Variants in STRIP2 observed in about 807,000 individuals in gnomAD.
STRIP2 encodes the protein striatin interacting protein 2.
STRIP2 carries 84 observed loss-of-function variants against 107.1 expected under a neutral mutation model. The observed-to-expected ratio is 0.78, with a 90% CI of 0.66 to 0.94. STRIP2 has a LOEUF of 0.94. Among genes scored for constraint, STRIP2 ranks in the 40% least tolerant of loss-of-function variants. STRIP2 has a pLI of 0.00. For synonymous variants in STRIP2, 394 were observed against 400.4 expected, an observed-to-expected ratio of 0.98 and a Z score of 0.19; for missense variants, 888 against 1,034.2, an observed-to-expected ratio of 0.86 and a Z score of 1.94.
At chr7:129,465,396 G>C (rs1358504416) in intron 16 of STRIP2, among the ~76,000 whole-genome samples, 1 of 152,138 alleles carries the variant, frequency 6.6e-6, no homozygotes, top group South Asian at 2.1e-4. Flanking sequence ...AGTCCAGAGG[G>C]GGAAGAGAGA....
At chr7:129,465,541 C>T (rs1464051533) in intron 16 of STRIP2, among the ~76,000 whole-genome samples, 2 of 152,298 alleles carry the variant, frequency 1.3e-5, no homozygotes, top group South Asian at 2.1e-4. Flanking sequence ...TATGCTAACA[C>T]ACAATTACTG....
chr7:129,450,882 G>A (rs1442368259), intron 3 of STRIP2, among the ~76,000 whole-genome samples: 2 of 141,206 alleles, frequency 1.4e-5, no homozygotes, highest in Non-Finnish European at 3.0e-5. Flanking sequence ...TGTTATGGAA[G>A]CAGAGTATTT....
chr7:129,442,456 G>C (rs1797926264), intron 2 of STRIP2, among the ~76,000 whole-genome samples: 2 of 152,118 alleles, frequency 1.3e-5, no homozygotes. Context: ...ATAGACTGGG[G>C]AGCAGTCTGA....
intron 18 of STRIP2, among the ~76,000 whole-genome samples, chr7:129,474,957 A>G (rs761323542): frequency 2.6e-5 from 4 of 152,232 alleles, no homozygotes; most frequent in Non-Finnish European, 4.4e-5. Context: ...ATTTTGTCAA[A>G]CTAATTAGCT....
chr7:129,456,715 G>T, intron 9 of STRIP2, 73 bp downstream of exon 9: 1 of 1,412,752 alleles, frequency 7.1e-7, no homozygotes, highest in South Asian at 1.3e-5. Flanking sequence ...TACTCTGGGT[G>T]TGGTAGGAAA....
rs1391845388 is a variant in STRIP2 at position 129,461,667 on chromosome 7, A to T, written c.1476+1295A>T. 1.3e-5 allele frequency among the ~76,000 whole-genome samples: 2 copies of T among 152,188 alleles called. No homozygotes were observed. Among genetic ancestry groups the T allele is most frequent in the African/African-American group, 2.4e-5 (1 of 41,434 alleles). On this transcript the variant is annotated intron_variant, in intron 13 of 20. Coordinates refer to ENST00000249344, the MANE Select transcript of STRIP2 (RefSeq NM_020704.3). This position sits in a 1 kb window ranked among gnomAD's most constrained non-coding sequence, Gnocchi z 4.0. ...TGGATTTGGCAACATGAAGATAGTG[A>T]CCTTGATAAGAACAACTCTAAGTGA... is the stretch of plus-strand genomic sequence containing the variant.
At chr7:129,436,459 G>C in intron 1 of STRIP2, among the ~76,000 whole-genome samples, 1 of 152,124 alleles carries the variant, frequency 6.6e-6, no homozygotes, top group South Asian at 2.1e-4. Flanking sequence ...CACCTGCACC[G>C]CGGTTTACCT....
chr7:129,476,398 G>A (rs1265028018), intron 18 of STRIP2, among the ~76,000 whole-genome samples: 1 of 147,334 alleles, frequency 6.8e-6, no homozygotes. Context: ...CTGCCGGGCG[G>A]AGGGGCTCCT....
At chr7:129,476,313 G>T (rs865829473) in intron 18 of STRIP2, among the ~76,000 whole-genome samples, 1 of 150,164 alleles carries the variant, frequency 6.7e-6, no homozygotes, top group Non-Finnish European at 1.5e-5. Context: ...GGCGGCTGCC[G>T]GGCGGAGGGG....
At position 129,458,861 on chromosome 7, in the gene STRIP2, C is replaced by A; in HGVS notation, c.1340+84C>A. On this transcript the variant is annotated intron_variant, in intron 11 of 20. Coordinates refer to ENST00000249344, the MANE Select transcript of STRIP2 (RefSeq NM_020704.3). This position sits in a 1 kb window ranked among gnomAD's most constrained non-coding sequence, Gnocchi z 4.6. ...AGGTAGCTTGGAATGAGGGATGGTG[C>A]CTGGTGGTCATAATGTAACCTAGAG... 1 of 1,337,558 alleles carries A rather than the reference C, an allele frequency of 7.5e-7. No homozygotes were observed. Among genetic ancestry groups the A allele is most frequent in the Non-Finnish European group, 1.1e-6 (1 of 931,676 alleles). The allele number at this position is 1,337,558 out of a possible 1,614,324, so 82.9% of individuals were successfully genotyped here.
chr7:129,475,731 C>T (rs1389423791), intron 18 of STRIP2, among the ~76,000 whole-genome samples: 2 of 152,000 alleles, frequency 1.3e-5, no homozygotes, highest in Non-Finnish European at 2.9e-5. Flanking sequence ...GTGTTTGTGT[C>T]CCTGGGTACT....
Position 129,470,726 on chromosome 7 carries a change from G to C in STRIP2, c.1944+11G>C. 1 of 1,612,804 alleles carries C rather than the reference G, an allele frequency of 6.2e-7. No homozygotes were observed. The highest frequency in any genetic ancestry group is 1.1e-5 in the South Asian group (1 of 91,046). On this transcript the variant is annotated intron_variant, in intron 18 of 20. Coordinates refer to ENST00000249344, the MANE Select transcript of STRIP2 (RefSeq NM_020704.3). ...ACTACTGAAAGTCTGGTAAGCAGATGGGGATTTGGTAGCCTTTGAAATTGC... is the reference window on the plus strand; with the variant it reads ...ACTACTGAAAGTCTGGTAAGCAGATCGGGATTTGGTAGCCTTTGAAATTGC...
chr7:129,460,925 C>G (rs1192498372), intron 13 of STRIP2, among the ~76,000 whole-genome samples: 1 of 152,226 alleles, frequency 6.6e-6, no homozygotes, highest in Admixed American at 6.5e-5. Context: ...TTGAAGTTGA[C>G]TCGCAGTCAA....
At chr7:129,475,866 A>C (rs890112794) in intron 18 of STRIP2, among the ~76,000 whole-genome samples, 2 of 152,134 alleles carry the variant, frequency 1.3e-5, no homozygotes, top group Admixed American at 1.3e-4. Context: ...TGTTTCAGAG[A>C]GCACCGGGTT....
chr7:129,458,841 G>T lies in STRIP2; in HGVS notation c.1340+64G>T. 7 of 1,521,942 alleles carry T rather than the reference G, an allele frequency of 4.6e-6. No individual in the cohort carries two copies. Among genetic ancestry groups the T allele is most frequent in the Non-Finnish European group, 6.4e-6 (7 of 1,097,246 alleles). The allele number at this position is 1,521,942 out of a possible 1,614,324, so 94.3% of individuals were successfully genotyped here. Reference sequence around the variant, plus strand: ...TCCTAGGGGGCCAGAGGAGCAGGTAGCTTGGAATGAGGGATGGTGCCTGGT... The same window carrying T: ...TCCTAGGGGGCCAGAGGAGCAGGTATCTTGGAATGAGGGATGGTGCCTGGT... On this transcript the variant is annotated intron_variant, in intron 11 of 20. Transcript: ENST00000249344. This position sits in a 1 kb window ranked among gnomAD's most constrained non-coding sequence, Gnocchi z 4.6.
In STRIP2 at chr7:129,434,478, G is replaced by A. The variant is rs983011529; in HGVS notation, c.6G>A (p.Glu2=). The change falls in exon 1 of 21, where the codon GAG becomes GAA. Residue 2 remains glutamate, a synonymous_variant. Transcript: ENST00000249344. Reference sequence around the variant, plus strand: ...GGGAGCCGCTGACCAGCAGCATGGAGGACCCCGCCGCGCCTGGGACCGGGG... The same window carrying A: ...GGGAGCCGCTGACCAGCAGCATGGAAGACCCCGCCGCGCCTGGGACCGGGG... The part of the protein sequence containing the change: M[E]DPAAPGTGGP... The A allele has an allele frequency of 3.0e-5, 46 of 1,513,286 alleles. No individual in the cohort carries two copies. Among genetic ancestry groups the A allele is most frequent in the Non-Finnish European group, 4.0e-5 (45 of 1,137,486 alleles). 93.7% of individuals were successfully genotyped at this position (1,513,286 alleles called of 1,614,324 possible). A position where few individuals can be genotyped will look rare whatever the true frequency, so the allele number is the denominator to read the frequency against.
intron 1 of STRIP2, 130 bp from the exon 2 acceptor site, chr7:129,439,892 C>A: frequency 2.9e-6 from 2 of 700,732 alleles, no homozygotes; most frequent in Non-Finnish European, 5.0e-6. Flanking sequence ...CCAAATAGGA[C>A]TCTCCTAACT....
intron 17 of STRIP2, among the ~76,000 whole-genome samples, chr7:129,470,430 T>C (rs1798762981): frequency 6.6e-6 from 1 of 152,206 alleles, no homozygotes; most frequent in Non-Finnish European, 1.5e-5. Flanking sequence ...ACCAGATGGG[T>C]GCCAGCCTCA....
chr7:129,483,240 G>A lies in STRIP2; in HGVS notation c.2254+194G>A. 2 of 1,280,330 alleles carry A rather than the reference G, an allele frequency of 1.6e-6. No individual in the cohort carries two copies. The highest frequency in any genetic ancestry group is 2.0e-6 in the Non-Finnish European group (2 of 1,013,274). 79.3% of individuals were successfully genotyped at this position (1,280,330 alleles called of 1,614,324 possible). A position where few individuals can be genotyped will look rare whatever the true frequency, so the allele number is the denominator to read the frequency against. On this transcript the variant is annotated intron_variant, in intron 20 of 20. Transcript: ENST00000249344. The surrounding 1 kb of genome is among the most constrained non-coding windows in gnomAD (Gnocchi z 5.1). ...ATTCTAGTATGTACCCTTGTCCTAT[G>A]TAAACTATGAAAATCCGTTTTATAA...
Sources: gnomAD v4.1 joint callset for allele counts (sites outside exome capture counted in the v4.1 genomes callset) on GRCh38, gnomAD v4.1.1 for gene constraint, Gnocchi (gnomAD v3.1) non-coding constraint, MANE v1.5 for transcripts, NCBI Gene and HGNC (gene_info 2026-07-23, HGNC 2026-07-21) for gene names.